The following EYA3 variants were observed in gnomAD, a reference collection of about 807,000 sequenced individuals.
EYA3 encodes the protein EYA transcriptional coactivator and phosphatase 3, also known as protein phosphatase EYA3.
EYA3 carries 39 observed loss-of-function variants against 80.0 expected under a neutral mutation model. The observed-to-expected ratio is 0.49, with a 90% CI of 0.38 to 0.64. The LOEUF (loss-of-function observed/expected upper bound fraction) is 0.64, where lower values mean the gene tolerates loss of function less well. EYA3 is among the 30% of genes least tolerant of loss of function. The probability of loss-of-function intolerance (pLI) is 0.00; values close to 1 mark genes in which losing one functional copy is unlikely to be tolerated. For synonymous variants in EYA3, 206 were observed against 232.8 expected (o/e 0.88, Z 1.05); for missense variants, 523 against 676.1 (o/e 0.77, Z 2.51).
chr1:28,025,877 C>G lies in EYA3; in HGVS notation c.499+1912G>C, dbSNP rs188877745. ...ACAGGTTCAAGCGATTCTCATACCT[C>G]GGCCTCCCGAGTAGCTGGGATACAG... On this transcript the variant is annotated intron_variant, in intron 7 of 17. Coordinates refer to ENST00000373871, the MANE Select transcript of EYA3 (RefSeq NM_001990.4). Among the ~76,000 whole-genome samples, 426 of 152,314 alleles carry G rather than the reference C, an allele frequency of 2.8e-3. 3 individuals are homozygous for G. The highest frequency in any genetic ancestry group is 9.8e-3 in the African/African-American group (407 of 41,574).
At chr1:28,018,151 G>C (rs1045094945) in intron 7 of EYA3, among the ~76,000 whole-genome samples, 1 of 151,670 alleles carries the variant, frequency 6.6e-6, no homozygotes, top group South Asian at 2.1e-4. Flanking sequence ...AGCCAAAATC[G>C]CATGACTGCA....
At chr1:28,044,258 C>G (rs2148867602) in intron 3 of EYA3, among the ~76,000 whole-genome samples, 1 of 152,276 alleles carries the variant, frequency 6.6e-6, no homozygotes, top group Admixed American at 6.5e-5. Context: ...AGAGGCTGCT[C>G]AAGTTCATAT....
At chr1:28,031,522 T>C (rs962013315) in intron 6 of EYA3, among the ~76,000 whole-genome samples, 2 of 152,228 alleles carry the variant, frequency 1.3e-5, no homozygotes, top group Non-Finnish European at 2.9e-5. Context: ...GCCCCCAGAA[T>C]GGGGTCTTAT....
At chr1:28,030,284 A>G (rs1186373112) in intron 6 of EYA3, among the ~76,000 whole-genome samples, 1 of 152,166 alleles carries the variant, frequency 6.6e-6, no homozygotes, top group Non-Finnish European at 1.5e-5. Context: ...CAACAGTGGG[A>G]TATGATAATC....
At chr1:28,018,743 A>G (rs997988502) in intron 7 of EYA3, among the ~76,000 whole-genome samples, 3 of 152,242 alleles carry the variant, frequency 2.0e-5, no homozygotes, top group Non-Finnish European at 2.9e-5. Flanking sequence ...CCTAGGACAA[A>G]GAAGAATTAA....
At chr1:27,998,325 C>CT in intron 12 of EYA3, 1 of 985,696 alleles carries the variant, frequency 1.0e-6, no homozygotes, top group Non-Finnish European at 1.2e-6. Flanking sequence ...CTTCACAGAA[C>CT]TTTCAGTTCC....
chr1:28,051,867 A>T (rs1157193085), intron 2 of EYA3, among the ~76,000 whole-genome samples: 3 of 152,138 alleles, frequency 2.0e-5, no homozygotes, highest in Non-Finnish European at 4.4e-5. Context: ...CAATCCAATC[A>T]AAATCCCAGC....
At chr1:28,039,144 A>C (rs538410545) in intron 4 of EYA3, among the ~76,000 whole-genome samples, 2 of 152,338 alleles carry the variant, frequency 1.3e-5, no homozygotes, top group South Asian at 4.1e-4. Context: ...GAAGGTTGGT[A>C]AGGATCTCTA....
intron 1 of EYA3, among the ~76,000 whole-genome samples, chr1:28,076,408 G>C (rs970151020): frequency 2.0e-5 from 3 of 151,964 alleles, no homozygotes; most frequent in African/African-American, 7.2e-5. Context: ...AAAAATACTA[G>C]TTTACCAGAA....
At chr1:28,085,713 T>C (rs1449178522) in intron 1 of EYA3, among the ~76,000 whole-genome samples, 1 of 152,124 alleles carries the variant, frequency 6.6e-6, no homozygotes, top group Non-Finnish European at 1.5e-5. Context: ...TCAACGGTAA[T>C]TTTTTTTCCT....
At chr1:28,078,432 C>A (rs531846676) in intron 1 of EYA3, among the ~76,000 whole-genome samples, 43 of 152,336 alleles carry the variant, frequency 2.8e-4, no homozygotes, top group African/African-American at 1.0e-3. Context: ...TAGTCACAAA[C>A]ACTCTCAGGA....
At position 27,993,578 on chromosome 1, in the gene EYA3, A is replaced by G; in HGVS notation, c.1143-18T>C. ...TGTAGTTGCTGCAAGGAGAGAAGAT[A>G]ATAAAAATTAAAATTTATACAGCAT... On this transcript the variant is annotated intron_variant, in intron 13 of 17. Transcript: ENST00000373871. 1 of 1,559,226 alleles carries G rather than the reference A, an allele frequency of 6.4e-7. No individual in the cohort carries two copies. Among genetic ancestry groups the G allele is most frequent in the Non-Finnish European group, 8.6e-7 (1 of 1,160,650 alleles).
At chr1:27,991,955 G>A (rs1640095481) in intron 14 of EYA3, among the ~76,000 whole-genome samples, 1 of 152,070 alleles carries the variant, frequency 6.6e-6, no homozygotes, top group African/African-American at 2.4e-5. Flanking sequence ...AAAAAGATGT[G>A]GAGTTACCAA....
chr1:28,085,667 A>T (rs1017307836), intron 1 of EYA3, among the ~76,000 whole-genome samples: 8 of 152,262 alleles, frequency 5.3e-5, no homozygotes, highest in African/African-American at 1.4e-4. Flanking sequence ...TTGAGCCCTT[A>T]GGGCTACCAA....
chr1:27,989,641 TG>T, intron 15 of EYA3, 55 bp downstream of exon 15: 1 of 1,149,370 alleles, frequency 8.7e-7, no homozygotes, highest in East Asian at 2.5e-5. Context: ...TATCCTGAAC[TG>T]GAGTAGAAGA....
At chr1:28,056,801 A>G (rs1644454138) in intron 2 of EYA3, among the ~76,000 whole-genome samples, 1 of 152,210 alleles carries the variant, frequency 6.6e-6, no homozygotes, top group Non-Finnish European at 1.5e-5. Flanking sequence ...ATATTTCAAC[A>G]GTATGTCAAC....
At chr1:28,068,164 C>T (rs1407855062) in intron 1 of EYA3, among the ~76,000 whole-genome samples, 2 of 151,730 alleles carry the variant, frequency 1.3e-5, no homozygotes, top group Non-Finnish European at 1.5e-5. Context: ...GGTGAAACTC[C>T]GTCTCTACTA....
chr1:28,000,833 C>A (rs1227390172), intron 11 of EYA3, among the ~76,000 whole-genome samples: 2 of 152,142 alleles, frequency 1.3e-5, no homozygotes, highest in Non-Finnish European at 2.9e-5. Flanking sequence ...GAGTCCAAGG[C>A]AGGTGGACTG....
At chr1:28,060,965 G>A (rs1030544683) in intron 1 of EYA3, among the ~76,000 whole-genome samples, 1 of 152,202 alleles carries the variant, frequency 6.6e-6, no homozygotes, top group Non-Finnish European at 1.5e-5. Flanking sequence ...AGTGAGCTGA[G>A]ATCGCACCAC....
Sources: gnomAD v4.1 joint callset for allele counts (sites outside exome capture counted in the v4.1 genomes callset) on GRCh38, gnomAD v4.1.1 for gene constraint, MANE v1.5 for transcripts, NCBI Gene and HGNC (gene_info 2026-07-23, HGNC 2026-07-21) for gene names.